Variants in IL17RD observed in about 807,000 individuals in gnomAD.
The protein encoded by IL17RD is interleukin 17 receptor D.
A neutral mutation model predicts 80.5 loss-of-function variants in IL17RD; 52 were observed. That is an observed-to-expected ratio of 0.65 (90% confidence interval 0.52 to 0.81). The LOEUF is 0.81. Among genes scored for constraint, IL17RD ranks in the 40% least tolerant of loss-of-function variants. IL17RD has a pLI of 0.00. For missense variants in IL17RD, 1,024 were observed against 955.1 expected (o/e 1.07, Z -0.95); for synonymous variants, 416 against 391.8 (o/e 1.06, Z -0.73).
intron 1 of IL17RD, among the ~76,000 whole-genome samples, chr3:57,158,062 G>T (rs1420407015): frequency 6.6e-6 from 1 of 152,176 alleles, no homozygotes; most frequent in Non-Finnish European, 1.5e-5. Context: ...GGATTCATAT[G>T]AAGTATTCAT....
At chr3:57,126,082 CT>C (rs1707452927) in intron 1 of IL17RD, among the ~76,000 whole-genome samples, 1 of 152,288 alleles carries the variant, frequency 6.6e-6, no homozygotes, top group African/African-American at 2.4e-5. Flanking sequence ...CAATCCCAAG[CT>C]TTTAGCTACT....
intron 1 of IL17RD, among the ~76,000 whole-genome samples, chr3:57,129,530 A>C (rs1404662964): frequency 2.6e-5 from 4 of 152,154 alleles, no homozygotes; most frequent in Non-Finnish European, 5.9e-5. Context: ...CCAAATACTA[A>C]GCCACATCTG....
chr3:57,121,453 T>A (rs558894281), intron 1 of IL17RD, among the ~76,000 whole-genome samples: 1 of 152,246 alleles, frequency 6.6e-6, no homozygotes, highest in African/African-American at 2.4e-5. Flanking sequence ...AAAGCACAAT[T>A]GGGCAGAGAG....
In IL17RD at chr3:57,097,391, A is replaced by G. The variant is rs1706703957; in HGVS notation, c.2107+205T>C. 1.2e-5 allele frequency: 7 copies of G among 597,550 alleles called. No homozygotes were observed. The South Asian group carries it at 1.4e-4, about 12-fold the overall frequency. The allele number at this position is 597,550 out of a possible 1,614,324, so 37.0% of individuals were successfully genotyped here. On this transcript the variant is annotated intron_variant, in intron 12 of 12. Transcript: ENST00000296318. Reference sequence around the variant, plus strand: ...CCTTGCAGGGTCTGGGCAGCTCACTATAATTTAGCATTAGTATTTCTGCAA... The same window carrying G: ...CCTTGCAGGGTCTGGGCAGCTCACTGTAATTTAGCATTAGTATTTCTGCAA...
chr3:57,098,822 C>T (rs1182049754), intron 11 of IL17RD, among the ~76,000 whole-genome samples: 1 of 152,238 alleles, frequency 6.6e-6, no homozygotes, highest in African/African-American at 2.4e-5. Context: ...GACAGAAGCG[C>T]AGTGCTTTTG....
In IL17RD at chr3:57,098,401, GTTC is replaced by G. The variant is rs777577375; in HGVS notation, c.1299_1301del (p.Lys433del). 3.7e-6 allele frequency: 6 copies of G among 1,613,856 alleles called. No homozygotes were observed. In the African/African-American group the frequency reaches 6.7e-5, roughly 18 times the overall value. ...CTCGGCCACCTCCTTTGTGTTTGTAGTTCTTCTTGTCCACAAAGTACTTCATAC... is the reference window on the plus strand; with the variant it reads ...CTCGGCCACCTCCTTTGTGTTTGTAGTTCTTGTCCACAAAGTACTTCATAC... On this transcript the variant is annotated inframe_deletion, in exon 12 of 13. Coordinates refer to ENST00000296318, the MANE Select transcript of IL17RD (RefSeq NM_017563.5).
rs754491969 is a variant in IL17RD at position 57,122,740 on chromosome 3, C to CTTTTTT, written c.127-2433_127-2428dup. Among the ~76,000 whole-genome samples, 5 of 117,040 alleles carry CTTTTTT rather than the reference C, an allele frequency of 4.3e-5. 1 individual carries two copies. Among genetic ancestry groups the CTTTTTT allele is most frequent in the Non-Finnish European group, 8.5e-5 (5 of 59,070 alleles). The allele number at this position is 117,040 out of a possible 152,430, so 76.8% of individuals were successfully genotyped here. On this transcript the variant is annotated intron_variant, in intron 1 of 12. Coordinates refer to ENST00000296318, the MANE Select transcript of IL17RD (RefSeq NM_017563.5). ...ACTGGGTCTGGGTCTCCTCAACTGT[C>CTTTTTT]TTTTTTTTTTTTTTTTTTTTTAAAG...
At chr3:57,100,870 A>G (rs936478349) in intron 11 of IL17RD, among the ~76,000 whole-genome samples, 8 of 152,166 alleles carry the variant, frequency 5.3e-5, no homozygotes, top group Admixed American at 6.5e-5. Flanking sequence ...CTCAACTCCA[A>G]TTGCATGTTT....
intron 1 of IL17RD, among the ~76,000 whole-genome samples, chr3:57,132,099 T>G (rs541654838): frequency 1.3e-5 from 2 of 151,838 alleles, no homozygotes; most frequent in Non-Finnish European, 2.9e-5. Flanking sequence ...GGCAGGGGGA[T>G]CGCTTGAGCC....
chr3:57,135,358 A>G (rs912754254), intron 1 of IL17RD, among the ~76,000 whole-genome samples: 3 of 152,218 alleles, frequency 2.0e-5, no homozygotes, highest in African/African-American at 7.2e-5. Flanking sequence ...CACTTCCCCA[A>G]CTGCCTGCGA....
intron 1 of IL17RD, among the ~76,000 whole-genome samples, chr3:57,158,895 A>G (rs1004400322): frequency 2.0e-5 from 3 of 152,182 alleles, no homozygotes; most frequent in Non-Finnish European, 4.4e-5. Context: ...GTATTATTTA[A>G]GCTACAGACT....
chr3:57,116,387 G>C (rs191599944), intron 2 of IL17RD, among the ~76,000 whole-genome samples: 1 of 149,778 alleles, frequency 6.7e-6, no homozygotes, highest in Non-Finnish European at 1.5e-5. Context: ...GAGTTGAAGC[G>C]ATTCTCCTGC....
chr3:57,150,094 T>G (rs1286068752), intron 1 of IL17RD, among the ~76,000 whole-genome samples: 1 of 152,110 alleles, frequency 6.6e-6, no homozygotes, highest in East Asian at 1.9e-4. Context: ...TCTGGCAGCT[T>G]TTTTAAAAAC....
intron 11 of IL17RD, among the ~76,000 whole-genome samples, chr3:57,100,325 A>C (rs1464459132): frequency 6.6e-6 from 1 of 152,258 alleles, no homozygotes; most frequent in African/African-American, 2.4e-5. Context: ...GATTCTGAAA[A>C]ACATGCCAAT....
chr3:57,149,229 G>T (rs1708000956), intron 1 of IL17RD, among the ~76,000 whole-genome samples: 1 of 150,994 alleles, frequency 6.6e-6, no homozygotes, highest in African/African-American at 2.5e-5. Flanking sequence ...CCAGGAGGTG[G>T]AAGTTGAAGT....
intron 2 of IL17RD, among the ~76,000 whole-genome samples, chr3:57,115,179 G>A (rs1707189348): frequency 1.3e-5 from 2 of 152,158 alleles, no homozygotes; most frequent in African/African-American, 2.4e-5. Context: ...GCATTAAAGA[G>A]TGATATGAAA....
chr3:57,101,236 A>T lies in IL17RD; in HGVS notation c.1107T>A (p.Asn369Lys). 6.2e-7 allele frequency: 1 copy of T among 1,613,760 alleles called. No individual in the cohort carries two copies. The highest frequency in any genetic ancestry group is 8.5e-7 in the Non-Finnish European group (1 of 1,179,730). ...CGAAACACTGGACGACATTCATGTG[A>T]TTCTGGCCATCTTTACTGGAATAGC... is the stretch of plus-strand genomic sequence containing the variant. ...FLCYSSKDGQ[N>K]HMNVVQCFAY... Residue 369 changes from asparagine (N) to lysine (K), a missense_variant, in exon 11 of 13, where the codon AAT becomes AAA. Coordinates refer to ENST00000296318, the MANE Select transcript of IL17RD (RefSeq NM_017563.5).
chr3:57,164,208 C>T (rs1304456704), intron 1 of IL17RD, among the ~76,000 whole-genome samples: 1 of 152,224 alleles, frequency 6.6e-6, no homozygotes, highest in African/African-American at 2.4e-5. Flanking sequence ...TCTCCACAAG[C>T]TTAAGGCCGT....
intron 11 of IL17RD, among the ~76,000 whole-genome samples, chr3:57,099,287 T>G (rs1706772747): frequency 6.6e-6 from 1 of 152,214 alleles, no homozygotes; most frequent in South Asian, 2.1e-4. Flanking sequence ...GGCTGGTAAT[T>G]GACAAAGCTT....
Sources: allele counts gnomAD v4.1 joint callset (sites outside exome capture counted in the v4.1 genomes callset), GRCh38; gene constraint gnomAD v4.1.1; transcripts MANE v1.5; gene names NCBI Gene and HGNC (gene_info 2026-07-23, HGNC 2026-07-21).